Variants in CFAP46 observed in about 807,000 individuals in gnomAD.
CFAP46 encodes the protein cilia- and flagella-associated protein 46.
In CFAP46, 245 loss-of-function variants were observed where a neutral mutation model predicts 325.7. The observed-to-expected ratio is 0.75, with a 90% CI of 0.68 to 0.84. CFAP46 has a LOEUF of 0.84. Ranked by LOEUF, CFAP46 falls within the 40% of genes least tolerant of loss-of-function variation. The pLI, the probability that CFAP46 is intolerant of heterozygous loss-of-function variation, is 0.00. For missense variants in CFAP46, 3,346 were observed against 3,543.0 expected, an observed-to-expected ratio of 0.94 and a Z score of 1.41; for synonymous variants, 1,523 against 1,495.9, an observed-to-expected ratio of 1.02 and a Z score of -0.42.
rs1848096413 is a variant in CFAP46 at position 132,828,498 on chromosome 10, T to C, written c.7117+4860A>G. The stretch of plus-strand genomic sequence containing the variant: ...TACTTTGTTTGCTATCTAAATCTTT[T>C]CTCGTGAAGTATCTGTTCAAATCTT... On this transcript the variant is annotated intron_variant, in intron 50 of 57. Transcript: ENST00000368586. The surrounding 1 kb of genome is among the most constrained non-coding windows in gnomAD (Gnocchi z 4.9). Among the ~76,000 whole-genome samples, 1 of 152,224 alleles carries C rather than the reference T, an allele frequency of 6.6e-6. No individual in the cohort carries two copies. Among genetic ancestry groups the C allele is most frequent in the Non-Finnish European group, 1.5e-5 (1 of 68,038 alleles).
In CFAP46 at chr10:132,869,224, C is replaced by T. The variant is rs1027652636; in HGVS notation, c.4610+50G>A. 9 of 1,453,218 alleles carry T rather than the reference C, an allele frequency of 6.2e-6. No individual in the cohort carries two copies. The highest frequency in any genetic ancestry group is 7.4e-6 in the Non-Finnish European group (8 of 1,085,544). The allele number at this position is 1,453,218 out of a possible 1,614,324, so 90.0% of individuals were successfully genotyped here. On this transcript the variant is annotated intron_variant, in intron 33 of 57. Coordinates refer to ENST00000368586, the MANE Select transcript of CFAP46 (RefSeq NM_001200049.3). This position sits in a 1 kb window ranked among gnomAD's most constrained non-coding sequence, Gnocchi z 6.2. ...CGCAGCTGGCTTTCACCTGGCCGCA[C>T]CAAGGGCGAGACTCAAACCCCAGGC...
At chr10:132,898,697 C>T (rs996424574) in intron 24 of CFAP46, 1 of 557,844 alleles carries the variant, frequency 1.8e-6, no homozygotes, top group South Asian at 1.9e-5. Flanking sequence ...CTACCCGCTG[C>T]TGTGTGTCTC....
chr10:132,923,204 G>C (rs1300210356), intron 11 of CFAP46, among the ~76,000 whole-genome samples: 1 of 151,536 alleles, frequency 6.6e-6, no homozygotes, highest in Non-Finnish European at 1.5e-5. Context: ...AAGCAGCCAT[G>C]TGGGGGTGCC....
intron 4 of CFAP46, among the ~76,000 whole-genome samples, chr10:132,940,743 G>A (rs1047396668): frequency 2.6e-5 from 4 of 152,170 alleles, no homozygotes; most frequent in African/African-American, 7.2e-5. Flanking sequence ...ACGCCCGGCA[G>A]AAAACAGACT....
chr10:132,816,961 G>T (rs916327048), intron 50 of CFAP46, among the ~76,000 whole-genome samples: 2 of 152,134 alleles, frequency 1.3e-5, no homozygotes, highest in Non-Finnish European at 1.5e-5. Context: ...TTATTCCCAG[G>T]ATACTTGAAA....
rs1167880604 is a variant in CFAP46 at position 132,860,779 on chromosome 10, T to TA, written c.5091+2dup. 12 of 1,550,546 alleles carry TA rather than the reference T, an allele frequency of 7.7e-6. No homozygotes were observed. The highest frequency in any genetic ancestry group is 1.0e-5 in the Non-Finnish European group (12 of 1,146,964). ...TGCAGCCCCAGGTCCCCGTGCCTCTTACCGTAGCTTCCCTTCCTGAGTGTT... is the reference window on the plus strand; with the variant it reads ...TGCAGCCCCAGGTCCCCGTGCCTCTTAACCGTAGCTTCCCTTCCTGAGTGTT... On this transcript the variant is annotated splice_region_variant and intron_variant, in intron 36 of 57. Transcript: ENST00000368586.
chr10:132,882,603 G>T (rs932455231), intron 27 of CFAP46, among the ~76,000 whole-genome samples: 1 of 151,948 alleles, frequency 6.6e-6, no homozygotes, highest in Admixed American at 6.5e-5. Flanking sequence ...TCTAGCGGGT[G>T]GGGGGTCTGG....
intron 50 of CFAP46, among the ~76,000 whole-genome samples, chr10:132,829,682 T>C (rs1259294203): frequency 1.3e-5 from 2 of 152,252 alleles, no homozygotes; most frequent in South Asian, 4.1e-4. Context: ...CTTTGCCAGC[T>C]GGAAGAAGCC....
chr10:132,823,818 TGA>T (rs2134901066), intron 50 of CFAP46, among the ~76,000 whole-genome samples: 2 of 138,300 alleles, frequency 1.4e-5, no homozygotes, highest in East Asian at 2.4e-4. Context: ...GTGTGCTGTG[TGA>T]GTGCTGATGT....
rs573435868 is a variant in CFAP46 at position 132,816,074 on chromosome 10, T to C, written c.7118-1160A>G. On this transcript the variant is annotated intron_variant, in intron 50 of 57. Coordinates refer to ENST00000368586, the MANE Select transcript of CFAP46 (RefSeq NM_001200049.3). ...TGGTTATGAGACTACTCAGGTTTGCTTTCTTCCTGGCATCGGAAGGTGTTT... is the reference window on the plus strand; with the variant it reads ...TGGTTATGAGACTACTCAGGTTTGCCTTCTTCCTGGCATCGGAAGGTGTTT... Among the ~76,000 whole-genome samples, 5 of 152,336 alleles carry C rather than the reference T, an allele frequency of 3.3e-5. No individual in the cohort carries two copies. In the East Asian group the frequency reaches 9.6e-4, roughly 29 times the overall value.
At chr10:132,920,027 G>A in intron 14 of CFAP46, 32 bp downstream of exon 14, 1 of 1,506,402 alleles carries the variant, frequency 6.6e-7, no homozygotes, top group Non-Finnish European at 8.9e-7. Context: ...GGGCTGAGCT[G>A]TGCGTGGCGC....
At chr10:132,838,141 T>C (rs1046304134) in intron 44 of CFAP46, among the ~76,000 whole-genome samples, 3 of 152,252 alleles carry the variant, frequency 2.0e-5, no homozygotes, top group Non-Finnish European at 4.4e-5. Flanking sequence ...CCGTGGACTA[T>C]GAGTCTGTCT....
intron 25 of CFAP46, among the ~76,000 whole-genome samples, chr10:132,888,724 T>TTC (rs1849212494): frequency 1.8e-5 from 1 of 54,930 alleles, no homozygotes; most frequent in African/African-American, 7.5e-5. Context: ...CCCTGCCGCC[T>TTC]GCACCTGCCA....
chr10:132,861,269 C>A (rs998400237), intron 35 of CFAP46, among the ~76,000 whole-genome samples: 7 of 152,214 alleles, frequency 4.6e-5, no homozygotes, highest in African/African-American at 1.7e-4. Context: ...CTGGAGTCAG[C>A]ACCAGCTGCA....
In CFAP46 at chr10:132,899,950, C is replaced by G. The variant is rs553243455; in HGVS notation, c.2925-284G>C. 1.7e-4 allele frequency among the ~76,000 whole-genome samples: 26 copies of G among 152,298 alleles called. No individual in the cohort carries two copies. In the East Asian group the frequency reaches 4.3e-3, roughly 25 times the overall value. ...CGGAGACAGCCGCCCTGGGAATGCTCTCAACCACGGAGCTGGCAGTCACAT... is the reference window on the plus strand; with the variant it reads ...CGGAGACAGCCGCCCTGGGAATGCTGTCAACCACGGAGCTGGCAGTCACAT... On this transcript the variant is annotated intron_variant, in intron 22 of 57. Coordinates refer to ENST00000368586, the MANE Select transcript of CFAP46 (RefSeq NM_001200049.3).
intron 41 of CFAP46, among the ~76,000 whole-genome samples, chr10:132,849,142 C>T (rs1385332766): frequency 6.6e-6 from 1 of 152,236 alleles, no homozygotes; most frequent in African/African-American, 2.4e-5. Context: ...CTGCCCTGGC[C>T]CCTCCTCGCT....
At chr10:132,859,332 G>T in intron 37 of CFAP46, 85 bp from the exon 38 acceptor site, 3 of 1,241,158 alleles carry the variant, frequency 2.4e-6, no homozygotes, top group Non-Finnish European at 3.3e-6. Context: ...TGTTCTCCCC[G>T]GTGTTCATCC....
rs1363560175 is a variant in CFAP46, at chr10:132,941,131, C to T, written c.307-71G>A. On this transcript the variant is annotated intron_variant, in intron 3 of 57. Transcript: ENST00000368586. ...TGCTCACTGCCCCATCTGCGGATGC[C>T]ACGGCTCCCTCACGGTTGGCCTGGT... 3.3e-6 allele frequency: 5 copies of T among 1,515,342 alleles called. No homozygotes were observed. In the African/African-American group the frequency reaches 6.9e-5, roughly 21 times the overall value. 93.9% of individuals were successfully genotyped at this position (1,515,342 alleles called of 1,614,324 possible).
chr10:132,853,780 T>G (rs72855952), intron 39 of CFAP46, among the ~76,000 whole-genome samples: 8,176 of 152,294 alleles, frequency 0.054, 308 homozygotes, highest in Non-Finnish European at 0.077. Context: ...TTCGTCTAAG[T>G]TGGCAGACAT....
Sources: allele counts gnomAD v4.1 joint callset (sites outside exome capture counted in the v4.1 genomes callset), GRCh38; gene constraint gnomAD v4.1.1; non-coding constraint Gnocchi (gnomAD v3.1); transcripts MANE v1.5; gene names NCBI Gene and HGNC (gene_info 2026-07-23, HGNC 2026-07-21).